Variants in MAP3K7 observed in about 807,000 individuals in gnomAD.
The protein encoded by MAP3K7 is TGF-beta activated kinase 1.
MAP3K7 carries 21 observed loss-of-function variants against 84.8 expected under a neutral mutation model. The observed-to-expected ratio is 0.25, with a 90% CI of 0.18 to 0.36. The LOEUF (loss-of-function observed/expected upper bound fraction) is 0.36, where lower values mean the gene tolerates loss of function less well. MAP3K7 is among the 10% of genes least tolerant of loss of function. The pLI is 1.00. For synonymous variants in MAP3K7, 241 were observed against 247.7 expected, an observed-to-expected ratio of 0.97 and a Z score of 0.25; for missense variants, 503 against 747.7, an observed-to-expected ratio of 0.67 and a Z score of 3.82.
chr6:90,519,385 G>C, intron 14 of MAP3K7, 66 bp from the exon 15 acceptor site: 2 of 1,055,246 alleles, frequency 1.9e-6, no homozygotes, highest in Non-Finnish European at 2.8e-6. Context: ...CAGCAAGAAA[G>C]CATGAATGAA....
intron 3 of MAP3K7, among the ~76,000 whole-genome samples, chr6:90,564,366 G>A (rs1340172389): frequency 1.3e-5 from 2 of 152,084 alleles, no homozygotes; most frequent in Non-Finnish European, 2.9e-5. Flanking sequence ...ATAAAGGGAT[G>A]GAGGAAGATC....
At chr6:90,567,116 GA>G (rs1562104765) in intron 3 of MAP3K7, among the ~76,000 whole-genome samples, 2 of 152,126 alleles carry the variant, frequency 1.3e-5, no homozygotes, top group Non-Finnish European at 2.9e-5. Context: ...AACCCTAGAA[GA>G]AAACCTAGGC....
At chr6:90,586,652 G>A in intron 1 of MAP3K7, 112 bp downstream of exon 1, 2 of 1,412,678 alleles carry the variant, frequency 1.4e-6, no homozygotes, top group Non-Finnish European at 9.4e-7. Flanking sequence ...GGTGGACCCC[G>A]CAGGGTCCCG....
At chr6:90,568,448 T>G (rs566346025) in intron 3 of MAP3K7, 110 bp downstream of exon 3, 1 of 747,132 alleles carries the variant, frequency 1.3e-6, no homozygotes, top group Non-Finnish European at 2.2e-6. Context: ...ATATAATATT[T>G]TTGAAAAACT....
chr6:90,539,346 C>T (rs887227451), intron 12 of MAP3K7, among the ~76,000 whole-genome samples: 1 of 151,862 alleles, frequency 6.6e-6, no homozygotes, highest in African/African-American at 2.4e-5. Context: ...GTTAGATTAA[C>T]TTCCCTATTT....
intron 7 of MAP3K7, among the ~76,000 whole-genome samples, chr6:90,552,852 T>C (rs1488668281): frequency 1.3e-5 from 2 of 152,220 alleles, no homozygotes; most frequent in African/African-American, 4.8e-5. Flanking sequence ...GATATGAGCA[T>C]TCAAGTCAGA....
chr6:90,522,652 C>G (rs1046779736), intron 14 of MAP3K7, among the ~76,000 whole-genome samples: 3 of 152,078 alleles, frequency 2.0e-5, no homozygotes, highest in African/African-American at 7.2e-5. Context: ...TAAATTTAAA[C>G]TTACTAAAAC....
At chr6:90,563,439 G>A (rs950792597) in intron 3 of MAP3K7, among the ~76,000 whole-genome samples, 1 of 152,176 alleles carries the variant, frequency 6.6e-6, no homozygotes, top group African/African-American at 2.4e-5. Context: ...ACAAGCTTCA[G>A]TAGCTGATTT....
At chr6:90,578,489 G>C (rs1325920993) in intron 1 of MAP3K7, among the ~76,000 whole-genome samples, 1 of 152,078 alleles carries the variant, frequency 6.6e-6, no homozygotes, top group East Asian at 1.9e-4. Context: ...TGTCCAGGCT[G>C]GTCTTGAACT....
chr6:90,559,755 C>T (rs927549578), intron 5 of MAP3K7, among the ~76,000 whole-genome samples: 4 of 152,102 alleles, frequency 2.6e-5, no homozygotes, highest in African/African-American at 4.8e-5. Context: ...CTATCTCTGC[C>T]CCCAAGGAAT....
intron 13 of MAP3K7, among the ~76,000 whole-genome samples, chr6:90,529,455 G>A (rs1775429074): frequency 6.6e-6 from 1 of 152,140 alleles, no homozygotes; most frequent in African/African-American, 2.4e-5. Flanking sequence ...TAGCCTCTCT[G>A]AGACTTAGGT....
intron 9 of MAP3K7, among the ~76,000 whole-genome samples, chr6:90,548,574 A>C (rs556298465): frequency 1.3e-5 from 2 of 152,122 alleles, no homozygotes; most frequent in Non-Finnish European, 2.9e-5. Flanking sequence ...ATGAGTATAG[A>C]GTTCAGGTAT....
intron 15 of MAP3K7, 50 bp from the exon 16 acceptor site, chr6:90,518,612 C>G: frequency 2.1e-6 from 2 of 933,702 alleles, no homozygotes; most frequent in South Asian, 2.7e-5. Context: ...ATTTCAATAT[C>G]TAGCTAAGAT....
At chr6:90,552,803 G>A (rs1776221995) in intron 7 of MAP3K7, among the ~76,000 whole-genome samples, 1 of 152,220 alleles carries the variant, frequency 6.6e-6, no homozygotes, top group East Asian at 1.9e-4. Flanking sequence ...AAACAGGACA[G>A]ATGCAAGGAC....
chr6:90,582,230 C>T (rs1013146669), intron 1 of MAP3K7, among the ~76,000 whole-genome samples: 2 of 152,212 alleles, frequency 1.3e-5, no homozygotes, highest in East Asian at 1.9e-4. Context: ...AAACAAGACT[C>T]GGATCTCATT....
intron 13 of MAP3K7, among the ~76,000 whole-genome samples, chr6:90,531,956 GAAAA>G (rs796192167): frequency 8.4e-6 from 1 of 118,510 alleles, no homozygotes; most frequent in Admixed American, 8.8e-5. Context: ...CTGTGTCTCG[GAAAA>G]AAAAAAAAAA....
At chr6:90,567,598 A>G (rs1451253923) in intron 3 of MAP3K7, among the ~76,000 whole-genome samples, 2 of 152,198 alleles carry the variant, frequency 1.3e-5, no homozygotes, top group Non-Finnish European at 2.9e-5. Context: ...AAATAGGAAC[A>G]CTTTTACACC....
chr6:90,551,876 C>T, intron 8 of MAP3K7, 173 bp downstream of exon 8: 1 of 618,542 alleles, frequency 1.6e-6, no homozygotes, highest in Non-Finnish European at 2.5e-6. Context: ...CTAGATTTTC[C>T]CTCTCGAAAT....
At chr6:90,548,367 A>C (rs1424106932) in intron 9 of MAP3K7, among the ~76,000 whole-genome samples, 190 bp from the exon 10 acceptor site, 1 of 152,220 alleles carries the variant, frequency 6.6e-6, no homozygotes, top group African/African-American at 2.4e-5. Flanking sequence ...CAAAAAAGGA[A>C]CCAAGATGCC....
Sources: gnomAD v4.1 joint callset for allele counts (sites outside exome capture counted in the v4.1 genomes callset) on GRCh38, gnomAD v4.1.1 for gene constraint, MANE v1.5 for transcripts, NCBI Gene and HGNC (gene_info 2026-07-23, HGNC 2026-07-21) for gene names.